Variants in CBX3 observed in about 807,000 individuals in gnomAD.
The protein encoded by CBX3 is chromobox 3, also known as chromobox protein homolog 3.
CBX3 carries 5 observed loss-of-function variants against 22.6 expected under a neutral mutation model. The observed-to-expected ratio is 0.22, with a 90% CI of 0.12 to 0.47. The LOEUF (loss-of-function observed/expected upper bound fraction) is 0.47, where lower values mean the gene tolerates loss of function less well. CBX3 is among the 20% of genes least tolerant of loss of function. CBX3 has a pLI of 0.99. For synonymous variants in CBX3, 50 were observed against 66.6 expected (o/e 0.75, Z 1.21); for missense variants, 83 against 208.1 (o/e 0.40, Z 3.70).
chr7:26,211,128 G>A (rs1301171115), intron 4 of CBX3, among the ~76,000 whole-genome samples: 1 of 149,108 alleles, frequency 6.7e-6, no homozygotes, highest in South Asian at 2.1e-4. Context: ...TTTTAAGAAA[G>A]TTTACAAATT....
Position 26,213,268 on chromosome 7 carries a change from T to C in CBX3, c.*1060T>C, listed in dbSNP as rs530117129. 3.9e-5 allele frequency: 6 copies of C among 152,842 alleles called. No individual in the cohort carries two copies. The South Asian group carries it at 1.2e-3, about 32-fold the overall frequency. The allele number at this position is 152,842 out of a possible 1,614,324, so 9.5% of individuals were successfully genotyped here. A position where few individuals can be genotyped will look rare whatever the true frequency, so the allele number is the denominator to read the frequency against. On this transcript the variant is annotated 3_prime_UTR_variant, in exon 6 of 6. Transcript: ENST00000396386. ...GCCAGGAAGAACAACTTTGTAGTAATCAAAATGTTATCCAACTGTATATTG... is the reference window on the plus strand; with the variant it reads ...GCCAGGAAGAACAACTTTGTAGTAACCAAAATGTTATCCAACTGTATATTG...
At chr7:26,205,153 T>G (rs1584035877) in intron 2 of CBX3, among the ~76,000 whole-genome samples, 1 of 152,164 alleles carries the variant, frequency 6.6e-6, no homozygotes, top group East Asian at 1.9e-4. Context: ...ATCTTCTGAT[T>G]AACCATTTCA....
intron 2 of CBX3, among the ~76,000 whole-genome samples, chr7:26,203,427 C>T (rs1380228223): frequency 1.3e-5 from 2 of 152,120 alleles, no homozygotes; most frequent in African/African-American, 2.4e-5. Flanking sequence ...GAACAAGGTA[C>T]CTTGTGCACC....
chr7:26,205,281 TA>T (rs1282228666), intron 2 of CBX3, among the ~76,000 whole-genome samples: 3 of 152,232 alleles, frequency 2.0e-5, no homozygotes, highest in Non-Finnish European at 4.4e-5. Context: ...CTGCTTCTCT[TA>T]AATAGTGTCA....
Position 26,212,673 on chromosome 7 carries a change from A to G in CBX3, c.*465A>G, listed in dbSNP as rs1384748575. ...TTTAAGCATTCACCCAAACAAAAAA[A>G]TCACAGGTAAACCCATGTTTCTGAG... On this transcript the variant is annotated 3_prime_UTR_variant, in exon 6 of 6. Coordinates refer to ENST00000396386, the MANE Select transcript of CBX3 (RefSeq NM_016587.4). 2 of 152,410 alleles carry G rather than the reference A, an allele frequency of 1.3e-5. No individual in the cohort carries two copies. Among genetic ancestry groups the G allele is most frequent in the East Asian group, 3.9e-4 (2 of 5,194 alleles). 9.4% of individuals were successfully genotyped at this position (152,410 alleles called of 1,614,324 possible).
intron 2 of CBX3, among the ~76,000 whole-genome samples, chr7:26,203,463 C>A (rs940701321): frequency 6.6e-6 from 1 of 152,178 alleles, no homozygotes; most frequent in African/African-American, 2.4e-5. Flanking sequence ...GTCATTGAAT[C>A]TTTCAAATTA....
At chr7:26,201,449 GCCGCTGAGGCTGCCAAGCAGAAAAGCCA>G (rs1408517184), upstream of CBX3, 5 of 152,226 alleles carry the variant, frequency 3.3e-5, no homozygotes, top group South Asian at 2.1e-4. Flanking sequence ...TTTGGCGCCA[GCCGCTGAGGCTGCCAAGCAGAAAAGCCA>G]CCGCTGAGGA....
chr7:26,206,213 T>C (rs1295310087), intron 2 of CBX3, 155 bp from the exon 3 acceptor site: 1 of 571,886 alleles, frequency 1.7e-6, no homozygotes, highest in Admixed American at 3.4e-5. Flanking sequence ...TATTTTATTG[T>C]CTGTTGACTT....
Position 26,208,474 on chromosome 7 carries a change from C to T in CBX3, c.249C>T (p.Gly83=). The T allele has an allele frequency of 6.2e-7, 1 of 1,613,392 alleles. No homozygotes were observed. Among genetic ancestry groups the T allele is most frequent in the Non-Finnish European group, 8.5e-7 (1 of 1,179,698 alleles). ...IEAFLNSQKA[G]KEKDGTKRKS... ...CGTTTCTTAACTCTCAGAAAGCTGG[C>T]AAAGAAAAAGATGGTACAAAAAGAA... Residue 83 remains glycine, a synonymous_variant, in exon 4 of 6, where the codon GGC becomes GGT. Coordinates refer to ENST00000396386, the MANE Select transcript of CBX3 (RefSeq NM_016587.4).
At chr7:26,203,216 T>C (rs781508837) in intron 2 of CBX3, among the ~76,000 whole-genome samples, 194 bp downstream of exon 2, 12 of 152,208 alleles carry the variant, frequency 7.9e-5, no homozygotes, top group Non-Finnish European at 1.6e-4. Flanking sequence ...AATAGTGTCT[T>C]AACTAGTTCA....
chr7:26,202,968 T>TA lies in CBX3; in HGVS notation c.-28-2dup. The TA allele has an allele frequency of 6.4e-7, 1 of 1,573,936 alleles. No homozygotes were observed. The highest frequency in any genetic ancestry group is 8.7e-7 in the Non-Finnish European group (1 of 1,151,278). On this transcript the variant is annotated splice_region_variant and splice_polypyrimidine_tract_variant and intron_variant, in intron 1 of 5. Coordinates refer to ENST00000396386, the MANE Select transcript of CBX3 (RefSeq NM_016587.4). ...TTACCTTAACTGTCATGCATTTTTC[T>TA]AGTAATAGCTCTTCAAGTCTGCAAT...
chr7:26,205,662 A>G (rs898523375), intron 2 of CBX3, among the ~76,000 whole-genome samples: 4 of 152,184 alleles, frequency 2.6e-5, no homozygotes, highest in African/African-American at 9.7e-5. Context: ...GGGTGGATAC[A>G]AGGTCTGTCA....
At chr7:26,206,792 A>G (rs1784686008) in intron 3 of CBX3, among the ~76,000 whole-genome samples, 1 of 152,164 alleles carries the variant, frequency 6.6e-6, no homozygotes, top group Admixed American at 6.5e-5. Flanking sequence ...ATGTGGTTAG[A>G]TATTACACTA....
chr7:26,207,855 G>C (rs570591008), intron 3 of CBX3, among the ~76,000 whole-genome samples: 17 of 151,908 alleles, frequency 1.1e-4, no homozygotes, highest in African/African-American at 4.1e-4. Flanking sequence ...ACAGAGCAGA[G>C]ACTTTTATTG....
At chr7:26,208,345 T>C in intron 3 of CBX3, 48 bp from the exon 4 acceptor site, 1 of 1,431,174 alleles carries the variant, frequency 7.0e-7, no homozygotes, top group South Asian at 1.3e-5. Flanking sequence ...TGGTGATGAA[T>C]CATATTTAAT....
In CBX3 at chr7:26,212,580, TTTTGTGTGTGTGTGTGTGTGTGTG is replaced by T. The variant is rs1784829904; in HGVS notation, c.*374_*397del. 1 of 137,240 alleles carries T rather than the reference TTTTGTGTGTGTGTGTGTGTGTGTG, an allele frequency of 7.3e-6. No homozygotes were observed. The highest frequency in any genetic ancestry group is 7.3e-5 in the Admixed American group (1 of 13,784). 8.5% of individuals were successfully genotyped at this position (137,240 alleles called of 1,614,324 possible). A position where few individuals can be genotyped will look rare whatever the true frequency, so the allele number is the denominator to read the frequency against. On this transcript the variant is annotated 3_prime_UTR_variant, in exon 6 of 6. Coordinates refer to ENST00000396386, the MANE Select transcript of CBX3 (RefSeq NM_016587.4). ...GACCATTCTAGATTTATTACGTGTT[TTTTGTGTGTGTGTGTGTGTGTGTG>T]TGTGTGTGTATCCATAAAATGCATA...
Position 26,211,721 on chromosome 7 carries a change from A to G in CBX3, c.390A>G (p.Thr130=). The G allele has an allele frequency of 1.9e-6, 3 of 1,610,724 alleles. No individual in the cohort carries two copies. The highest frequency in any genetic ancestry group is 2.5e-6 in the Non-Finnish European group (3 of 1,178,384). ...GLDPERIIGA[T]DSSGELMFLM... ...ATCCTGAAAGAATAATTGGTGCCAC[A>G]GACAGCAGTGGAGAATTGATGTTTC... The change falls in exon 5 of 6, where the codon ACA becomes ACG. Residue 130 remains threonine (T), a synonymous_variant. Coordinates refer to ENST00000396386, the MANE Select transcript of CBX3 (RefSeq NM_016587.4).
chr7:26,211,778 C>A (rs374663838), intron 5 of CBX3, 22 bp downstream of exon 5: 7 of 1,479,422 alleles, frequency 4.7e-6, no homozygotes, highest in Non-Finnish European at 6.4e-6. Flanking sequence ...GAGATTGTTA[C>A]ATTTGAAAGT....
rs370499819 is a variant in CBX3, at chr7:26,206,523, A to G, written c.167+13A>G. The G allele has an allele frequency of 8.8e-6, 14 of 1,584,068 alleles. No individual in the cohort carries two copies. Among genetic ancestry groups the G allele is most frequent in the Non-Finnish European group, 1.2e-5 (14 of 1,162,520 alleles). ...AGGGATTTACAGAGTAAGAAACTTT[A>G]GTGCATCTTTACTATATGTTTAACT... On this transcript the variant is annotated intron_variant, in intron 3 of 5. Transcript: ENST00000396386.
Sources: allele counts gnomAD v4.1 joint callset (sites outside exome capture counted in the v4.1 genomes callset), GRCh38; gene constraint gnomAD v4.1.1; transcripts MANE v1.5; gene names NCBI Gene and HGNC (gene_info 2026-07-23, HGNC 2026-07-21).